Variants in HERC1 observed in about 807,000 individuals in gnomAD.
The protein encoded by HERC1 is probable E3 ubiquitin-protein ligase HERC1.
Under a neutral mutation model 554.3 loss-of-function variants are expected in HERC1, and 160 were observed. That is an observed-to-expected ratio of 0.29 (90% CI 0.25 to 0.33). The LOEUF is 0.33. Ranked by LOEUF, HERC1 falls within the 10% of genes least tolerant of loss-of-function variation. The probability of loss-of-function intolerance (pLI) is 1.00; values close to 1 mark genes in which losing one functional copy is unlikely to be tolerated. For synonymous variants in HERC1, 2,175 were observed against 2,131.7 expected, an observed-to-expected ratio of 1.02 and a Z score of -0.56; for missense variants, 4,919 against 5,918.5, an observed-to-expected ratio of 0.83 and a Z score of 5.54.
intron 39 of HERC1, 101 bp from the exon 40 acceptor site, chr15:63,669,799 CA>C: frequency 2.8e-6 from 3 of 1,082,980 alleles, no homozygotes; most frequent in Non-Finnish European, 4.1e-6. Context: ...GAAGACTAAA[CA>C]GGTTAGTTAT....
chr15:63,805,225 T>C (rs2077101246), intron 1 of HERC1, among the ~76,000 whole-genome samples: 1 of 152,144 alleles, frequency 6.6e-6, no homozygotes, highest in Non-Finnish European at 1.5e-5. Flanking sequence ...ATGCATACAA[T>C]GGCATACTAC....
intron 25 of HERC1, among the ~76,000 whole-genome samples, chr15:63,703,178 T>C (rs2072821199): frequency 6.6e-6 from 1 of 151,464 alleles, no homozygotes; most frequent in African/African-American, 2.4e-5. Flanking sequence ...GGTGGCTAAA[T>C]GTATCTGCCC....
At chr15:63,647,499 G>A (rs1420376536) in intron 55 of HERC1, among the ~76,000 whole-genome samples, 1 of 152,128 alleles carries the variant, frequency 6.6e-6, no homozygotes, top group African/African-American at 2.4e-5. Context: ...CCACTACTGA[G>A]TATCTACCCA....
chr15:63,657,523 A>G (rs2070111050), intron 48 of HERC1, among the ~76,000 whole-genome samples: 1 of 152,084 alleles, frequency 6.6e-6, no homozygotes, highest in Admixed American at 6.5e-5. Context: ...AATTCTTTAC[A>G]CATTCTGTTG....
intron 12 of HERC1, among the ~76,000 whole-genome samples, chr15:63,739,216 T>TTC (rs71447350): frequency 1.4e-5 from 2 of 147,650 alleles, no homozygotes; most frequent in Admixed American, 1.3e-4. Context: ...TTTTTTTTTT[T>TTC]AGATGGAGAC....
intron 56 of HERC1, 80 bp from the exon 57 acceptor site, chr15:63,645,177 G>C: frequency 9.8e-7 from 1 of 1,023,030 alleles, no homozygotes; most frequent in Non-Finnish European, 1.5e-6. Flanking sequence ...AATCAATTAA[G>C]ATCTGATAGA....
In HERC1 at chr15:63,723,318, A is replaced by G; in HGVS notation, c.3606T>C (p.Ser1202=). 6.3e-7 allele frequency: 1 copy of G among 1,594,854 alleles called. No individual in the cohort carries two copies. The highest frequency in any genetic ancestry group is 8.5e-7 in the Non-Finnish European group (1 of 1,169,776). The change falls in exon 19 of 78, where the codon TCT becomes TCC. Residue 1202 remains serine, a synonymous_variant. Transcript: ENST00000443617. Reference sequence around the variant, plus strand: ...CAAAAGGCTTCTGTTCTTCATTTCCAGAAAGTGCTACTTCTAACAGGCAAC... The same window carrying G: ...CAAAAGGCTTCTGTTCTTCATTTCCGGAAAGTGCTACTTCTAACAGGCAAC... ...CMSCLLEVAL[S]GNEEQKPFDY...
At chr15:63,809,552 C>G (rs2077237106) in intron 1 of HERC1, among the ~76,000 whole-genome samples, 1 of 152,020 alleles carries the variant, frequency 6.6e-6, no homozygotes, top group South Asian at 2.1e-4. Flanking sequence ...GAAAGAATGG[C>G]CAGGACACAA....
intron 33 of HERC1, among the ~76,000 whole-genome samples, chr15:63,686,793 G>A (rs545230195): frequency 6.6e-6 from 1 of 152,270 alleles, no homozygotes; most frequent in Non-Finnish European, 1.5e-5. Flanking sequence ...TACATAATAG[G>A]TATAGTAGAA....
At chr15:63,821,948 A>G (rs1215113168) in intron 1 of HERC1, among the ~76,000 whole-genome samples, 1 of 152,144 alleles carries the variant, frequency 6.6e-6, no homozygotes, top group Non-Finnish European at 1.5e-5. Context: ...TTCAGGAAGC[A>G]TAAGTGCCAT....
In HERC1 at chr15:63,713,673, A is replaced by G; in HGVS notation, c.4151-8T>C. ...GGAAACACTGAAAGATTTCTGTAAC[A>G]TGCAACACAAAAACAAGGTCTTAAC... is the stretch of plus-strand genomic sequence containing the variant. On this transcript the variant is annotated splice_polypyrimidine_tract_variant and splice_region_variant and intron_variant, in intron 22 of 77. Transcript: ENST00000443617. 2.5e-6 allele frequency: 4 copies of G among 1,600,984 alleles called. No individual in the cohort carries two copies. The highest frequency in any genetic ancestry group is 3.4e-6 in the Non-Finnish European group (4 of 1,172,200).
chr15:63,791,002 A>T (rs1056602007), intron 1 of HERC1, among the ~76,000 whole-genome samples: 2 of 152,146 alleles, frequency 1.3e-5, no homozygotes, highest in East Asian at 1.9e-4. Flanking sequence ...AAAAAATCCT[A>T]AAAAAGTTTT....
At chr15:63,661,593 A>C (rs1023249562) in intron 45 of HERC1, among the ~76,000 whole-genome samples, 160 bp downstream of exon 45, 6 of 152,188 alleles carry the variant, frequency 3.9e-5, no homozygotes, top group Non-Finnish European at 8.8e-5. Flanking sequence ...TGGGAACATG[A>C]ATTTCTGAAA....
chr15:63,629,077 G>C lies in HERC1; in HGVS notation c.12967-262C>G, dbSNP rs149003032. 0.024 allele frequency among the ~76,000 whole-genome samples: 3,683 copies of C among 151,764 alleles called. 81 individuals carry two copies. The highest frequency in any genetic ancestry group is 0.033 in the Non-Finnish European group (2,235 of 67,972). On this transcript the variant is annotated intron_variant, in intron 69 of 77. Transcript: ENST00000443617. ...GCAATTTTCTGCCTCAGCCTCCCAA[G>C]TGGCTGAGATTACAGGTGCCCGCCA...
rs1365835480 is a variant in HERC1 at position 63,630,491 on chromosome 15, G to A, written c.12941C>T (p.Ala4314Val). Residue 4314 changes from alanine (A) to valine (V), a missense_variant, in exon 69 of 78, where the codon GCC becomes GTC. Coordinates refer to ENST00000443617, the MANE Select transcript of HERC1 (RefSeq NM_003922.4). ...CTGCCCTTCTGAATTGCTCCCCCAG[G>A]CATACACATCTCCATTTGATGCCAA... The part of the protein sequence containing the change: ...LALASNGDVY[A>V]WGSNSEGQLG... The A allele has an allele frequency of 1.2e-6, 2 of 1,613,584 alleles. No homozygotes were observed. The highest frequency in any genetic ancestry group is 1.7e-6 in the Non-Finnish European group (2 of 1,179,730).
chr15:63,720,102 C>CTTTTTTTT (rs1214451219), intron 19 of HERC1, among the ~76,000 whole-genome samples: 3 of 20,960 alleles, frequency 1.4e-4, no homozygotes, highest in Non-Finnish European at 4.1e-4. Flanking sequence ...CTTTTTCTTC[C>CTTTTTTTT]CTTTTTTTTT....
At chr15:63,739,689 A>G (rs2074709893) in intron 12 of HERC1, among the ~76,000 whole-genome samples, 1 of 151,808 alleles carries the variant, frequency 6.6e-6, no homozygotes, top group South Asian at 2.1e-4. Context: ...AAATACAAAC[A>G]CTAGCTGGGC....
At chr15:63,700,378 G>A (rs1288968300) in intron 25 of HERC1, among the ~76,000 whole-genome samples, 1 of 151,928 alleles carries the variant, frequency 6.6e-6, no homozygotes, top group East Asian at 1.9e-4. Flanking sequence ...TATCAGTTAT[G>A]TAACTAGATA....
chr15:63,820,088 G>A (rs1407649250), intron 1 of HERC1, among the ~76,000 whole-genome samples: 1 of 152,084 alleles, frequency 6.6e-6, no homozygotes, highest in Non-Finnish European at 1.5e-5. Flanking sequence ...AAAACTTCAT[G>A]TAGCACACAA....
Sources: allele counts gnomAD v4.1 joint callset (sites outside exome capture counted in the v4.1 genomes callset), GRCh38; gene constraint gnomAD v4.1.1; transcripts MANE v1.5; gene names NCBI Gene and HGNC (gene_info 2026-07-23, HGNC 2026-07-21).